Variants in SPATA21 observed in about 807,000 individuals in gnomAD.
SPATA21 encodes the protein spermatogenesis-associated protein 21.
Under a neutral mutation model 54.8 loss-of-function variants are expected in SPATA21, and 47 were observed. The observed-to-expected ratio is 0.86, with a 90% CI of 0.68 to 1.09. The LOEUF is 1.09. Among genes scored for constraint, SPATA21 ranks in the 50% least tolerant of loss-of-function variants. The pLI is 0.00. For synonymous variants in SPATA21, 245 were observed against 235.3 expected, an observed-to-expected ratio of 1.04 and a Z score of -0.38; for missense variants, 599 against 596.4, an observed-to-expected ratio of 1.00 and a Z score of -0.05.
rs113649615 is a variant in SPATA21, at chr1:16,418,821, G to C, written c.144+2688C>G. Among the ~76,000 whole-genome samples the C allele has an allele frequency of 7.2e-3, 1,092 of 152,272 alleles. 8 individuals carry two copies. Among genetic ancestry groups the C allele is most frequent in the African/African-American group, 0.025 (1,038 of 41,564 alleles). On this transcript the variant is annotated intron_variant, in intron 5 of 12. Coordinates refer to ENST00000335496, the MANE Select transcript of SPATA21 (RefSeq NM_198546.1). ...CCTCCCAAAGTGCTTGGATTACAGGGATAAGCCACTGCATCCGGCCTAGTT... is the reference window on the plus strand; with the variant it reads ...CCTCCCAAAGTGCTTGGATTACAGGCATAAGCCACTGCATCCGGCCTAGTT...
chr1:16,398,494 A>G, downstream of SPATA21: 1 of 465,136 alleles, frequency 2.1e-6, no homozygotes, highest in Non-Finnish European at 4.0e-6. Context: ...TGCTTTGAGA[A>G]GGCACAGAAG....
chr1:16,398,603 T>A, downstream of SPATA21: 1 of 735,616 alleles, frequency 1.4e-6, no homozygotes. Flanking sequence ...GGTGGCTGGG[T>A]GACAACTTGA....
intron 5 of SPATA21, among the ~76,000 whole-genome samples, chr1:16,411,739 G>A (rs987354277): frequency 1.4e-5 from 2 of 146,288 alleles, no homozygotes; most frequent in African/African-American, 5.1e-5. Context: ...GCAGTGAGCC[G>A]AGACCGCGCC....
At chr1:16,437,488 CA>C (rs547897780), upstream of SPATA21, 3 of 152,292 alleles carry the variant, frequency 2.0e-5, no homozygotes, top group East Asian at 5.8e-4. Context: ...ATTATTGGGC[CA>C]GGGTACTCTC....
At chr1:16,407,220 C>A (rs2085672265) in intron 7 of SPATA21, among the ~76,000 whole-genome samples, 2 of 152,122 alleles carry the variant, frequency 1.3e-5, no homozygotes, top group South Asian at 4.1e-4. Flanking sequence ...AGGCACACCA[C>A]AGAAGGAAAA....
chr1:16,425,514 C>T (rs934808518), intron 3 of SPATA21: 1 of 1,548,320 alleles, frequency 6.5e-7, no homozygotes, highest in African/African-American at 1.4e-5. Flanking sequence ...CCCCAGATCT[C>T]CTAGGTTACC....
At chr1:16,398,392 G>C (rs962965026), downstream of SPATA21, among the ~76,000 whole-genome samples, 1 of 152,188 alleles carries the variant, frequency 6.6e-6, no homozygotes, top group Non-Finnish European at 1.5e-5. Flanking sequence ...CACAGGGCCT[G>C]TCTTAGAGCC....
chr1:16,398,659 T>C lies in SPATA21; in HGVS notation c.*106A>G, dbSNP rs1416899910. The C allele has an allele frequency of 7.8e-7, 1 of 1,275,830 alleles. No individual in the cohort carries two copies. The highest frequency in any genetic ancestry group is 1.1e-6 in the Non-Finnish European group (1 of 889,590). The allele number at this position is 1,275,830 out of a possible 1,614,324, so 79.0% of individuals were successfully genotyped here. On this transcript the variant is annotated 3_prime_UTR_variant, in exon 13 of 13. Coordinates refer to ENST00000335496, the MANE Select transcript of SPATA21 (RefSeq NM_198546.1). ...CACAGAGGCTGAAGTTATTGGTGTT[T>C]ATTAGCTCACCAGGCCACAAAAGCA...
downstream of SPATA21, chr1:16,398,230 C>T: frequency 6.1e-6 from 1 of 164,082 alleles, no homozygotes; most frequent in Non-Finnish European, 1.3e-5. Context: ...TCTGCCCAGT[C>T]CCAGGGAAAG....
chr1:16,421,479 C>T lies in SPATA21; in HGVS notation c.144+30G>A, dbSNP rs2086168702. On this transcript the variant is annotated intron_variant, in intron 5 of 12. Coordinates refer to ENST00000335496, the MANE Select transcript of SPATA21 (RefSeq NM_198546.1). The surrounding 1 kb of genome is among the most constrained non-coding windows in gnomAD (Gnocchi z 5.2). The stretch of plus-strand genomic sequence containing the variant: ...CCCCCTGCCTTTCTCCTACACAGCT[C>T]GTCCCCGTTCCCCCTATGGCCCTAC... The T allele has an allele frequency of 1.8e-5, 29 of 1,602,546 alleles. No homozygotes were observed. The highest frequency in any genetic ancestry group is 2.2e-5 in the Non-Finnish European group (26 of 1,174,794).
Position 16,409,355 on chromosome 1 carries a change from A to G in SPATA21, c.588-152T>C. On this transcript the variant is annotated intron_variant, in intron 6 of 12. Transcript: ENST00000335496. This position sits in a 1 kb window ranked among gnomAD's most constrained non-coding sequence, Gnocchi z 4.1. ...AAGAATGGCAGGAAAAAGGAGATCC[A>G]GAGGAGAAGTGGGACAGAGGAGAGG... is the stretch of plus-strand genomic sequence containing the variant. The G allele has an allele frequency of 1.1e-6, 1 of 910,838 alleles. No homozygotes were observed. Among genetic ancestry groups the G allele is most frequent in the Non-Finnish European group, 1.7e-6 (1 of 601,918 alleles). 56.4% of individuals were successfully genotyped at this position (910,838 alleles called of 1,614,324 possible).
At chr1:16,417,464 G>A (rs2086044183) in intron 5 of SPATA21, among the ~76,000 whole-genome samples, 1 of 139,504 alleles carries the variant, frequency 7.2e-6, no homozygotes. Flanking sequence ...TTGAGACAAA[G>A]TCTCGCTCTT....
At chr1:16,425,538 G>A (rs993051327) in intron 3 of SPATA21, 73 of 1,548,760 alleles carry the variant, frequency 4.7e-5, no homozygotes, top group Non-Finnish European at 6.2e-5. Context: ...CAGCTCTCAG[G>A]AGGCTGATCC....
In SPATA21 at chr1:16,409,184, T is replaced by C; in HGVS notation, c.607A>G (p.Ser203Gly). 2 of 1,614,140 alleles carry C rather than the reference T, an allele frequency of 1.2e-6. No homozygotes were observed. Among genetic ancestry groups the C allele is most frequent in the South Asian group, 1.1e-5 (1 of 91,088 alleles). ...CGGTTTTGATAAAGCTTTTGGAGGCTCTGCTCTTCCGGCTCCTGCCTGCAG... is the reference window on the plus strand; with the variant it reads ...CGGTTTTGATAAAGCTTTTGGAGGCCCTGCTCTTCCGGCTCCTGCCTGCAG... Reference protein sequence around the residue: ...AKARQEPEEQSLQKLYQNREK... With the variant: ...AKARQEPEEQGLQKLYQNREK... Residue 203 changes from serine to glycine, a missense_variant, in exon 7 of 13, where the codon AGC becomes GGC. Ser to Gly is a moderately conservative substitution (Grantham distance 56). Coordinates refer to ENST00000335496, the MANE Select transcript of SPATA21 (RefSeq NM_198546.1). The surrounding 1 kb of genome is among the most constrained non-coding windows in gnomAD (Gnocchi z 4.1).
intron 1 of SPATA21, among the ~76,000 whole-genome samples, chr1:16,435,519 C>G (rs528850398): frequency 1.4e-3 from 215 of 151,992 alleles, no homozygotes; most frequent in African/African-American, 5.1e-3. Flanking sequence ...GTTTTGCCAT[C>G]TTGACCAGGC....
intron 7 of SPATA21, 93 bp from the exon 8 acceptor site, chr1:16,405,197 A>G: frequency 1.3e-6 from 2 of 1,511,700 alleles, no homozygotes; most frequent in Admixed American, 4.9e-5. Flanking sequence ...AGCCTCCTCC[A>G]CCATCAAAAG....
chr1:16,399,249 C>G, intron 12 of SPATA21, 95 bp downstream of exon 12: 1 of 1,383,742 alleles, frequency 7.2e-7, no homozygotes, highest in Non-Finnish European at 9.7e-7. Flanking sequence ...CAGGTATGAT[C>G]TCTTAGAAAG....
In SPATA21 at chr1:16,424,055, G is replaced by T. The variant is rs546452965; in HGVS notation, c.35-2084C>A. 5.3e-5 allele frequency among the ~76,000 whole-genome samples: 8 copies of T among 151,500 alleles called. No homozygotes were observed. The South Asian group carries it at 1.5e-3, about 28-fold the overall frequency. On this transcript the variant is annotated intron_variant, in intron 3 of 12. Transcript: ENST00000335496. ...CTATGTTTGCTTTCTTGATTGTGGGGATGGTTTTGTGGGTGTGTACATATG... is the reference window on the plus strand; with the variant it reads ...CTATGTTTGCTTTCTTGATTGTGGGTATGGTTTTGTGGGTGTGTACATATG...
chr1:16,422,071 G>C lies in SPATA21; in HGVS notation c.35-100C>G, dbSNP rs996068515. On this transcript the variant is annotated intron_variant, in intron 3 of 12. Transcript: ENST00000335496. ...GGAGCCTCCTGTGGCCTGATGTGTG[G>C]GACACCTGCCTCCTTGGGGTGCTTG... 3 of 1,600,276 alleles carry C rather than the reference G, an allele frequency of 1.9e-6. No individual in the cohort carries two copies. The African/African-American group carries it at 4.0e-5, about 21-fold the overall frequency.
Sources: gnomAD v4.1 joint callset for allele counts (sites outside exome capture counted in the v4.1 genomes callset) on GRCh38, gnomAD v4.1.1 for gene constraint, Gnocchi (gnomAD v3.1) non-coding constraint, MANE v1.5 for transcripts, NCBI Gene and HGNC (gene_info 2026-07-23, HGNC 2026-07-21) for gene names.